Variants in ERAP1 observed in about 807,000 individuals in gnomAD.
The protein encoded by ERAP1 is endoplasmic reticulum aminopeptidase 1, also known as adipocyte-derived leucine aminopeptidase.
Under a neutral mutation model 103.7 loss-of-function variants are expected in ERAP1, and 86 were observed. The observed-to-expected ratio is 0.83, with a 90% CI of 0.70 to 0.99. The LOEUF is 0.99. Ranked by LOEUF, ERAP1 falls within the 50% of genes least tolerant of loss-of-function variation. The pLI is 0.00. For missense variants in ERAP1, 1,009 were observed against 1,128.4 expected (o/e 0.89, Z 1.52); for synonymous variants, 398 against 402.4 (o/e 0.99, Z 0.13).
chr5:96,855,419 T>C, the ERAP1 span, among the ~76,000 whole-genome samples: 2 of 152,200 alleles, frequency 1.3e-5, no homozygotes, highest in Non-Finnish European at 2.9e-5. Context: ...GGATACATTG[T>C]CTATATCTCA....
the ERAP1 span, among the ~76,000 whole-genome samples, chr5:96,921,409 C>T: frequency 6.6e-6 from 1 of 152,138 alleles, no homozygotes; most frequent in Non-Finnish European, 1.5e-5. Context: ...TGTACAAATA[C>T]CTAAGTCTGC....
At chr5:96,912,471 A>G in the ERAP1 span, among the ~76,000 whole-genome samples, 1 of 152,192 alleles carries the variant, frequency 6.6e-6, no homozygotes, top group Non-Finnish European at 1.5e-5. Flanking sequence ...TTGCAGAGTA[A>G]AAGCACATAA....
chr5:96,812,721 T>C (rs1396422325), upstream of ERAP1, among the ~76,000 whole-genome samples: 1 of 152,182 alleles, frequency 6.6e-6, no homozygotes, highest in Non-Finnish European at 1.5e-5. Flanking sequence ...AAATGAGCTA[T>C]GATACAAAGG....
chr5:96,800,874 G>A lies in ERAP1; in HGVS notation c.651C>T (p.Ser217=), dbSNP rs1303106675. 6.8e-6 allele frequency: 11 copies of A among 1,614,136 alleles called. No homozygotes were observed. In the African/African-American group the frequency reaches 1.1e-4, roughly 16 times the overall value. ...IRREPRHLAI[S]NMPLVKSVTV... ...AGTGCAGACTCACCAATGGCATATT[G>A]GAGATGGCTAGGTGCCTTGGCTCTC... Residue 217 remains serine, a synonymous_variant, in exon 3 of 19, where the codon TCC becomes TCT. Coordinates refer to ENST00000443439, the MANE Select transcript of ERAP1 (RefSeq NM_001040458.3).
Position 96,788,547 on chromosome 5 carries a change from C to T in ERAP1, c.1663G>A (p.Gly555Ser), listed in dbSNP as rs755036771. Residue 555 changes from glycine (G) to serine (S), a missense_variant, in exon 11 of 19, where the codon GGC (glycine) becomes AGC (serine). Transcript: ENST00000443439. ...GAGCATTACCCAGTGTCCGGGGCGC[C>T]GTCAGAGCCCTTCATGTAGTGCTCT... ...KQEHYMKGSD[G>S]APDTGYLWHV... 1.1e-5 allele frequency: 17 copies of T among 1,614,172 alleles called. No individual in the cohort carries two copies. Among genetic ancestry groups the T allele is most frequent in the East Asian group, 8.9e-5 (4 of 44,886 alleles).
chr5:96,905,618 T>C, the ERAP1 span, among the ~76,000 whole-genome samples: 3 of 152,304 alleles, frequency 2.0e-5, no homozygotes, highest in East Asian at 5.8e-4. Context: ...GCACAGTGGC[T>C]CATGCCTGTA....
chr5:96,761,869 T>C (rs965258182), exon 20 of ERAP1: 1 of 156,300 alleles, frequency 6.4e-6, no homozygotes, highest in Non-Finnish European at 1.4e-5. Flanking sequence ...TTTCGCAGTA[T>C]GAATTCCTAG....
chr5:96,835,268 T>G, the ERAP1 span, among the ~76,000 whole-genome samples: 1 of 152,214 alleles, frequency 6.6e-6, no homozygotes, highest in African/African-American at 2.4e-5. Context: ...AGAACTTCTT[T>G]GGAGTTTGAG....
chr5:96,839,252 T>C, the ERAP1 span, among the ~76,000 whole-genome samples: 1 of 152,258 alleles, frequency 6.6e-6, no homozygotes, highest in Non-Finnish European at 1.5e-5. Context: ...AGAGTTTTTA[T>C]TAAAGCTTCA....
At chr5:96,874,917 A>G in the ERAP1 span, among the ~76,000 whole-genome samples, 1 of 152,216 alleles carries the variant, frequency 6.6e-6, no homozygotes, top group African/African-American at 2.4e-5. Context: ...AATTGTATGG[A>G]TGTATTGCCA....
At chr5:96,913,697 T>A in the ERAP1 span, among the ~76,000 whole-genome samples, 1 of 152,230 alleles carries the variant, frequency 6.6e-6, no homozygotes, top group Non-Finnish European at 1.5e-5. Context: ...AAGAAACCAC[T>A]GGCATCAAGT....
At chr5:96,897,798 C>G in the ERAP1 span, among the ~76,000 whole-genome samples, 15 of 152,210 alleles carry the variant, frequency 9.9e-5, no homozygotes, top group South Asian at 2.1e-4. Flanking sequence ...TTAGAAGAAC[C>G]CTAAGTCATT....
At chr5:96,909,986 C>A in the ERAP1 span, 1 of 439,942 alleles carries the variant, frequency 2.3e-6, no homozygotes, top group Non-Finnish European at 4.1e-6. Flanking sequence ...CCGGTGCTGG[C>A]TGGATGCAGT....
At chr5:96,767,722 A>G (rs1409437793) in intron 19 of ERAP1, among the ~76,000 whole-genome samples, 2 of 152,182 alleles carry the variant, frequency 1.3e-5, no homozygotes, top group African/African-American at 2.4e-5. Context: ...GAGTAGATGG[A>G]AAAAAAGCCA....
the ERAP1 span, among the ~76,000 whole-genome samples, chr5:96,894,663 T>G: frequency 6.6e-6 from 1 of 152,202 alleles, no homozygotes; most frequent in Non-Finnish European, 1.5e-5. Flanking sequence ...ATATATTTTT[T>G]AAATCTTAGA....
the ERAP1 span, among the ~76,000 whole-genome samples, chr5:96,898,779 G>A: frequency 6.6e-6 from 1 of 151,814 alleles, no homozygotes; most frequent in Non-Finnish European, 1.5e-5. Context: ...AACATATAAA[G>A]ATGCTCTTTA....
chr5:96,822,988 C>A, the ERAP1 span: 12 of 451,986 alleles, frequency 2.7e-5, no homozygotes, highest in South Asian at 1.7e-4. Flanking sequence ...AGGTTGTTGG[C>A]AGAATTCAGT....
At chr5:96,877,786 T>G in the ERAP1 span, among the ~76,000 whole-genome samples, 1 of 152,216 alleles carries the variant, frequency 6.6e-6, no homozygotes, top group African/African-American at 2.4e-5. Context: ...AGTGTACTTA[T>G]CAGACGTTCT....
chr5:96,850,995 G>A, the ERAP1 span, among the ~76,000 whole-genome samples: 1 of 152,076 alleles, frequency 6.6e-6, no homozygotes, highest in African/African-American at 2.4e-5. Context: ...CAGAGGTTGG[G>A]GGAGTTAGAA....
Sources: gnomAD v4.1 joint callset for allele counts (sites outside exome capture counted in the v4.1 genomes callset) on GRCh38, gnomAD v4.1.1 for gene constraint, MANE v1.5 for transcripts, NCBI Gene and HGNC (gene_info 2026-07-23, HGNC 2026-07-21) for gene names.